The following NTRK3 variants were observed in gnomAD, a reference collection of about 807,000 sequenced individuals.
The protein encoded by NTRK3 is neurotrophic receptor tyrosine kinase 3.
In NTRK3, 24 loss-of-function variants were observed where a neutral mutation model predicts 91.7. That is an observed-to-expected ratio of 0.26 (90% CI 0.19 to 0.37). The LOEUF (loss-of-function observed/expected upper bound fraction) is 0.37. Among genes scored for constraint, NTRK3 ranks in the 10% least tolerant of loss-of-function variants. NTRK3 has a pLI of 1.00. For synonymous variants in NTRK3, 483 were observed against 404.0 expected (o/e 1.20, Z -2.34); for missense variants, 880 against 1,068.9 (o/e 0.82, Z 2.46).
At chr15:87,978,228 C>A (rs554241714) in intron 14 of NTRK3, 260 of 231,068 alleles carry the variant, frequency 1.1e-3, no homozygotes, top group Non-Finnish European at 1.7e-3. Context: ...AGCGAGCCCC[C>A]TCTTTGGGAG....
At chr15:88,144,487 G>A (rs867782964) in intron 6 of NTRK3, among the ~76,000 whole-genome samples, 56 of 152,068 alleles carry the variant, frequency 3.7e-4, no homozygotes, top group African/African-American at 1.2e-3. Context: ...CAAGGGACCC[G>A]ACATCTTGAG....
At chr15:88,177,446 T>C (rs1423618471) in intron 5 of NTRK3, among the ~76,000 whole-genome samples, 14 of 152,120 alleles carry the variant, frequency 9.2e-5, no homozygotes, top group African/African-American at 3.1e-4. Context: ...AACAAGCAGA[T>C]GGATACAAAA....
intron 17 of NTRK3, among the ~76,000 whole-genome samples, chr15:87,886,696 A>ATATATATATG (rs2065564446): frequency 7.2e-6 from 1 of 139,206 alleles, no homozygotes; most frequent in Non-Finnish European, 1.6e-5. Flanking sequence ...ATATATATAT[A>ATATATATATG]TATACATATA....
intron 13 of NTRK3, among the ~76,000 whole-genome samples, chr15:88,086,765 C>T (rs1238656972): frequency 3.9e-5 from 6 of 152,166 alleles, no homozygotes; most frequent in Admixed American, 1.3e-4. Flanking sequence ...AGTTCAGGAA[C>T]GATTATTGTA....
chr15:88,056,896 C>A (rs947687192), intron 13 of NTRK3, among the ~76,000 whole-genome samples: 3 of 152,186 alleles, frequency 2.0e-5, no homozygotes, highest in Non-Finnish European at 4.4e-5. Flanking sequence ...GTCGGCCGGG[C>A]GCGGTGGCTC....
At chr15:88,098,026 C>T (rs1246088372) in intron 13 of NTRK3, among the ~76,000 whole-genome samples, 1 of 152,212 alleles carries the variant, frequency 6.6e-6, no homozygotes, top group African/African-American at 2.4e-5. Flanking sequence ...TTTTATTCTA[C>T]AGTGTCCTTC....
chr15:88,208,595 T>A (rs1421041662), intron 3 of NTRK3, among the ~76,000 whole-genome samples: 1 of 152,116 alleles, frequency 6.6e-6, no homozygotes, highest in Non-Finnish European at 1.5e-5. Flanking sequence ...GAACACACTT[T>A]GAGTAGCAAG....
chr15:88,110,285 A>G (rs2051191466), intron 13 of NTRK3, among the ~76,000 whole-genome samples: 1 of 152,190 alleles, frequency 6.6e-6, no homozygotes, highest in Non-Finnish European at 1.5e-5. Flanking sequence ...ATCTTAGGAA[A>G]AGGCAGGTCA....
At chr15:87,972,607 G>T (rs914927575) in intron 14 of NTRK3, among the ~76,000 whole-genome samples, 3 of 152,148 alleles carry the variant, frequency 2.0e-5, no homozygotes, top group Non-Finnish European at 4.4e-5. Context: ...CCACCCATAG[G>T]TAAATCAAAG....
rs527280668 is a variant in NTRK3 at position 88,062,613 on chromosome 15, C to T, written c.1397-29568G>A. ...GCAGAGCCCCTAGATAAAAGGACCCCGATGATCACCAAACCAAAATAAAAA... is the reference window on the plus strand; with the variant it reads ...GCAGAGCCCCTAGATAAAAGGACCCTGATGATCACCAAACCAAAATAAAAA... On this transcript the variant is annotated intron_variant, in intron 13 of 18. Coordinates refer to ENST00000394480, the Ensembl canonical transcript of NTRK3. Among the ~76,000 whole-genome samples, 23 of 152,298 alleles carry T rather than the reference C, an allele frequency of 1.5e-4. 1 individual carries two copies. The highest frequency in any genetic ancestry group is 4.8e-4 in the African/African-American group (20 of 41,574).
chr15:88,093,196 TG>T (rs1269787217), intron 13 of NTRK3, among the ~76,000 whole-genome samples: 2 of 151,952 alleles, frequency 1.3e-5, no homozygotes, highest in African/African-American at 4.8e-5. Context: ...CTCAAACATA[TG>T]GAGAAGTGTT....
chr15:88,034,742 C>G (rs1160032720), intron 13 of NTRK3, among the ~76,000 whole-genome samples: 1 of 152,228 alleles, frequency 6.6e-6, no homozygotes, highest in Non-Finnish European at 1.5e-5. Flanking sequence ...CTGAATTCCA[C>G]TCCATCAGCA....
intron 5 of NTRK3, among the ~76,000 whole-genome samples, chr15:88,153,792 G>T (rs1171471168): frequency 6.6e-6 from 1 of 151,888 alleles, no homozygotes; most frequent in Non-Finnish European, 1.5e-5. Context: ...GCTCTCGGGG[G>T]CCTCTTTTAT....
intron 13 of NTRK3, among the ~76,000 whole-genome samples, chr15:88,057,211 T>C (rs1028376058): frequency 1.3e-5 from 2 of 149,284 alleles, no homozygotes; most frequent in Non-Finnish European, 3.0e-5. Flanking sequence ...AAATGTGTCC[T>C]GAGGGCTGGG....
chr15:88,038,305 C>G (rs1324722486), intron 13 of NTRK3, among the ~76,000 whole-genome samples: 2 of 152,210 alleles, frequency 1.3e-5, no homozygotes, highest in African/African-American at 4.8e-5. Context: ...TTGCCCCATT[C>G]CCAAGGCCCT....
At chr15:87,905,946 C>T (rs148701134) in intron 17 of NTRK3, among the ~76,000 whole-genome samples, 26 of 152,288 alleles carry the variant, frequency 1.7e-4, no homozygotes, top group African/African-American at 5.5e-4. Context: ...TGCCTTCATG[C>T]GCAATCAGCA....
intron 17 of NTRK3, among the ~76,000 whole-genome samples, chr15:87,919,867 GT>G (rs1861557443): frequency 6.6e-6 from 1 of 152,124 alleles, no homozygotes; most frequent in African/African-American, 2.4e-5. Flanking sequence ...AAGAGCTATG[GT>G]CTAGGGTCAA....
chr15:88,046,491 C>G (rs138814438), intron 13 of NTRK3, among the ~76,000 whole-genome samples: 2 of 152,272 alleles, frequency 1.3e-5, no homozygotes, highest in Non-Finnish European at 2.9e-5. Context: ...GGACATGAGG[C>G]AGCACCTGAG....
intron 13 of NTRK3, among the ~76,000 whole-genome samples, chr15:88,121,574 T>G (rs562161916): frequency 6.6e-6 from 1 of 152,324 alleles, no homozygotes; most frequent in East Asian, 1.9e-4. Flanking sequence ...TACACTCTAG[T>G]TAGTTGTTAA....
Sources: gnomAD v4.1 joint callset for allele counts (sites outside exome capture counted in the v4.1 genomes callset) on GRCh38, gnomAD v4.1.1 for gene constraint, MANE v1.5 for transcripts, NCBI Gene and HGNC (gene_info 2026-07-23, HGNC 2026-07-21) for gene names.